SCAP: variants seen among roughly 807,000 people sequenced by gnomAD.
SCAP encodes sterol regulatory element-binding protein cleavage-activating protein.
In SCAP, 65 loss-of-function variants were observed where a neutral mutation model predicts 123.6. That is an observed-to-expected ratio of 0.53 (90% CI 0.43 to 0.65). SCAP has a LOEUF of 0.65. Ranked by LOEUF, SCAP falls within the 30% of genes least tolerant of loss-of-function variation. The probability of loss-of-function intolerance (pLI) is 0.00; values close to 1 mark genes in which losing one functional copy is unlikely to be tolerated. For synonymous variants in SCAP, 740 were observed against 726.3 expected (o/e 1.02, Z -0.30); for missense variants, 1,398 against 1,712.5 (o/e 0.82, Z 3.24).
chr3:47,465,752 G>C (rs1707799224), intron 1 of SCAP, among the ~76,000 whole-genome samples: 2 of 149,646 alleles, frequency 1.3e-5, no homozygotes, highest in African/African-American at 4.9e-5. Flanking sequence ...CTAGGTGACA[G>C]AGCAAGACTC....
At position 47,415,108 on chromosome 3, in the gene SCAP, C is replaced by T. The variant is rs756535189; in HGVS notation, c.3129G>A (p.Leu1043=). The change falls in exon 19 of 23, where the codon CTG becomes CTA. Residue 1043 remains leucine, a synonymous_variant. Transcript: ENST00000265565. ...CCCAGGCCCTCCGACCTCTAAACTG[C>T]AGGGGGCTGAGGGCAGTGTGGGTCT... ...SLETHTALSP[L]QFRGTPGRGS... 4.3e-6 allele frequency: 7 copies of T among 1,609,488 alleles called. No individual in the cohort carries two copies. The highest frequency in any genetic ancestry group is 5.1e-6 in the Non-Finnish European group (6 of 1,178,638).
chr3:47,433,923 C>T (rs1159431818), intron 3 of SCAP, among the ~76,000 whole-genome samples: 1 of 152,128 alleles, frequency 6.6e-6, no homozygotes, highest in African/African-American at 2.4e-5. Flanking sequence ...CAAGAAGGTC[C>T]CACAATGAGC....
chr3:47,421,467 C>T (rs1328867178), intron 10 of SCAP: 1 of 177,018 alleles, frequency 5.6e-6, no homozygotes, highest in East Asian at 1.6e-4. Flanking sequence ...CAGCAACTGC[C>T]CCGGAACAAT....
rs201856241 is a variant in SCAP, at chr3:47,414,880, G to A, written c.3253C>T (p.Leu1085=). 1.2e-6 allele frequency: 2 copies of A among 1,612,570 alleles called. No homozygotes were observed. Among genetic ancestry groups the A allele is most frequent in the African/African-American group, 2.7e-5 (2 of 75,038 alleles). The change falls in exon 20 of 23, where the codon CTG becomes TTG. Residue 1085 remains leucine (L), a synonymous_variant. Transcript: ENST00000265565. ...PCAHQKPITA[L]KAAAGRLVTG... The stretch of plus-strand genomic sequence containing the variant: ...ACCAAGCGCCCAGCAGCGGCTTTCA[G>A]GGCTGTGATGGGTTTTTGGTGTGCA...
intron 18 of SCAP, among the ~76,000 whole-genome samples, chr3:47,416,051 A>G (rs1012034550): frequency 5.3e-5 from 8 of 152,250 alleles, no homozygotes; most frequent in Admixed American, 1.3e-4. Context: ...GACAGGAATG[A>G]CGGCAGCAGC....
intron 1 of SCAP, among the ~76,000 whole-genome samples, chr3:47,457,194 G>C (rs1391047931): frequency 6.6e-6 from 1 of 152,162 alleles, no homozygotes; most frequent in African/African-American, 2.4e-5. Context: ...AGCAGCCTCT[G>C]GGGAGAGGAT....
chr3:47,453,747 G>C (rs897838730), intron 1 of SCAP, among the ~76,000 whole-genome samples: 3 of 152,038 alleles, frequency 2.0e-5, no homozygotes, highest in Non-Finnish European at 4.4e-5. Context: ...GAATATCACA[G>C]TAATGTTGGG....
In SCAP at chr3:47,418,145, A is replaced by C; in HGVS notation, c.2436T>G (p.Ile812Met). ...GCAGCCGCACCTACCCTGGGCGCGG[A>C]ATGCGCGTTAGGCAATCCCCGGTCT... ...DAQTGDCLTR[I>M]PRPGRQRRDS... The change falls in exon 16 of 23, where the codon ATT becomes ATG. Residue 812 changes from isoleucine (I) to methionine (M), a missense_variant. Ile to Met is a conservative substitution (Grantham distance 10). Transcript: ENST00000265565. 2 of 1,562,726 alleles carry C rather than the reference A, an allele frequency of 1.3e-6. No individual in the cohort carries two copies. The highest frequency in any genetic ancestry group is 1.7e-6 in the Non-Finnish European group (2 of 1,154,236).
chr3:47,451,352 T>C lies in SCAP; in HGVS notation c.-98-8261A>G, dbSNP rs1181841439. On this transcript the variant is annotated intron_variant, in intron 1 of 22. Transcript: ENST00000265565. ...TATTTTTCAATTATAAAAGTAAAAA[T>C]ATACATGTTTATATTCAAATATTCA... Among the ~76,000 whole-genome samples the C allele has an allele frequency of 3.4e-5, 4 of 116,978 alleles. 1 individual carries two copies. Among genetic ancestry groups the C allele is most frequent in the African/African-American group, 1.2e-4 (4 of 34,202 alleles). The allele number at this position is 116,978 out of a possible 152,430, so 76.7% of individuals were successfully genotyped here.
intron 9 of SCAP, chr3:47,422,783 A>G (rs1705962161): frequency 2.5e-6 from 1 of 392,826 alleles, no homozygotes; most frequent in South Asian, 7.2e-5. Context: ...GGAGAGCTAT[A>G]ATCATCAAAA....
chr3:47,417,104 G>A lies in SCAP; in HGVS notation c.3056+18C>T, dbSNP rs201260839. The A allele has an allele frequency of 2.8e-3, 4,462 of 1,611,064 alleles. 12 individuals carry two copies. The highest frequency in any genetic ancestry group is 3.3e-3 in the Non-Finnish European group (3,875 of 1,178,364). ...ACAAAGGCTGGGGACATCTGGGGCT[G>A]AGGCAGGCCACGCTCACCTTTTGTC... is the stretch of plus-strand genomic sequence containing the variant. On this transcript the variant is annotated intron_variant, in intron 18 of 22. Transcript: ENST00000265565.
chr3:47,467,325 C>T (rs578213584), intron 1 of SCAP, among the ~76,000 whole-genome samples: 523 of 152,116 alleles, frequency 3.4e-3, no homozygotes, highest in Non-Finnish European at 5.3e-3. Context: ...GATATACAGG[C>T]TCGGTGGGGT....
intron 17 of SCAP, 21 bp from the exon 18 acceptor site, chr3:47,417,228 A>G (rs1705623942): frequency 6.2e-7 from 1 of 1,612,636 alleles, no homozygotes; most frequent in Non-Finnish European, 8.5e-7. Context: ...AGAGGCTGTG[A>G]GCACCTGCCA....
In SCAP at chr3:47,414,217, T is replaced by A. The variant is rs765716914; in HGVS notation, c.3557A>T (p.Asp1186Val). ...SGLDDLISIWDRSTGIKFYSI... is the reference protein window; with the variant it reads ...SGLDDLISIWVRSTGIKFYSI... The stretch of plus-strand genomic sequence containing the variant: ...GTAGAACTTGATGCCTGTGCTGCGG[T>A]CCCAGATGCTGATGAGGTCATCCAG... Residue 1186 changes from aspartate (D) to valine (V), a missense_variant, in exon 22 of 23, where the codon GAC becomes GTC. This residue lies in a region of SCAP where 130 missense variants were observed against 166.7 expected (regional missense o/e 0.78). Transcript: ENST00000265565. 6.2e-7 allele frequency: 1 copy of A among 1,613,722 alleles called. No individual in the cohort carries two copies. The highest frequency in any genetic ancestry group is 8.5e-7 in the Non-Finnish European group (1 of 1,180,014).
Position 47,419,818 on chromosome 3 carries a change from G to A in SCAP, c.1564-114C>T, listed in dbSNP as rs983653499. On this transcript the variant is annotated intron_variant, in intron 12 of 22. Transcript: ENST00000265565. The surrounding 1 kb of genome is among the most constrained non-coding windows in gnomAD (Gnocchi z 5.0). ...GACCTCAGGCCTGGGGATGGAGAGA[G>A]GACACAGGCCCCACTGCGTCCTTTT... The A allele has an allele frequency of 1.4e-5, 18 of 1,260,966 alleles. No individual in the cohort carries two copies. Among genetic ancestry groups the A allele is most frequent in the Non-Finnish European group, 3.2e-6 (3 of 934,534 alleles). The allele number at this position is 1,260,966 out of a possible 1,614,324, so 78.1% of individuals were successfully genotyped here. A position where few individuals can be genotyped will look rare whatever the true frequency, so the allele number is the denominator to read the frequency against.
Position 47,443,306 on chromosome 3 carries a change from T to TCTCC in SCAP, c.-98-216_-98-215insGGAG, listed in dbSNP as rs1553646920. On this transcript the variant is annotated intron_variant, in intron 1 of 22. Transcript: ENST00000265565. ...CTCTCTCTCTCTCTCTCTCTCTCTC[T>TCTCC]CTCTCCCTCCCCGCCCAACTCCCTC... 541 of 95,718 alleles carry TCTCC rather than the reference T, an allele frequency of 5.7e-3. 52 individuals are homozygous for TCTCC. Among genetic ancestry groups the TCTCC allele is most frequent in the Middle Eastern group, 0.018 (3 of 168 alleles). 5.9% of individuals were successfully genotyped at this position (95,718 alleles called of 1,614,324 possible).
intron 1 of SCAP, among the ~76,000 whole-genome samples, chr3:47,464,450 G>A (rs937252388): frequency 6.6e-6 from 1 of 151,778 alleles, no homozygotes; most frequent in Non-Finnish European, 1.5e-5. Context: ...GTGCAAGGAT[G>A]GTTTAACAAA....
At chr3:47,441,923 A>ATCC (rs1296326297) in intron 2 of SCAP, among the ~76,000 whole-genome samples, 1 of 116,364 alleles carries the variant, frequency 8.6e-6, no homozygotes, top group Admixed American at 1.2e-4. Flanking sequence ...GCCCAGGCTG[A>ATCC]TCCTGAACTC....
chr3:47,423,414 A>T (rs1705994162), intron 9 of SCAP, among the ~76,000 whole-genome samples: 1 of 152,204 alleles, frequency 6.6e-6, no homozygotes, highest in South Asian at 2.1e-4. Context: ...ACAGAAAGCC[A>T]CCACCAAACA....
Sources: gnomAD v4.1 joint callset for allele counts (sites outside exome capture counted in the v4.1 genomes callset) on GRCh38, gnomAD v4.1.1 for gene constraint, gnomAD v4.1.1 regional missense constraint, Gnocchi (gnomAD v3.1) non-coding constraint, MANE v1.5 for transcripts, NCBI Gene and HGNC (gene_info 2026-07-23, HGNC 2026-07-21) for gene names.